TAFA5: variants seen among roughly 807,000 people sequenced by gnomAD.
TAFA5 encodes chemokine-like protein TAFA-5.
TAFA5 carries 6 observed loss-of-function variants against 15.3 expected under a neutral mutation model. That is an observed-to-expected ratio of 0.39 (90% CI 0.21 to 0.77). The LOEUF (loss-of-function observed/expected upper bound fraction) is 0.77, where lower values mean the gene tolerates loss of function less well. Ranked by LOEUF, TAFA5 falls within the 30% of genes least tolerant of loss-of-function variation. The probability of loss-of-function intolerance (pLI) is 0.41; values close to 1 mark genes in which losing one functional copy is unlikely to be tolerated. For synonymous variants in TAFA5, 103 were observed against 80.7 expected (o/e 1.28, Z -1.48); for missense variants, 161 against 193.1 (o/e 0.83, Z 0.98).
chr22:48,639,047 T>C (rs2147196466), intron 1 of TAFA5, among the ~76,000 whole-genome samples: 1 of 152,316 alleles, frequency 6.6e-6, no homozygotes, highest in South Asian at 2.1e-4. Context: ...GCTCTTCTTC[T>C]GGCCTCACTT....
intron 1 of TAFA5, among the ~76,000 whole-genome samples, chr22:48,637,549 G>A (rs1926494329): frequency 6.6e-6 from 1 of 152,204 alleles, no homozygotes; most frequent in Non-Finnish European, 1.5e-5. Flanking sequence ...GTTATCGGCA[G>A]CAAAGTGCCT....
Position 48,640,555 on chromosome 22 carries a change from A to AGGGCT in TAFA5, c.113-6030_113-6026dup, listed in dbSNP as rs201248109. ...GCCAGCTGGGTGGGCAGGGCAGGGC[A>AGGGCT]GGGCTGGGCTGGGCTGTGGGTGATG... On this transcript the variant is annotated intron_variant, in intron 1 of 3. Coordinates refer to ENST00000402357, the MANE Select transcript of TAFA5 (RefSeq NM_001082967.3). Among the ~76,000 whole-genome samples the AGGGCT allele has an allele frequency of 8.6e-3, 1,314 of 151,964 alleles. 11 individuals carry two copies. The highest frequency in any genetic ancestry group is 0.029 in the African/African-American group (1,212 of 41,412).
intron 2 of TAFA5, among the ~76,000 whole-genome samples, chr22:48,664,549 C>T (rs944732249): frequency 1.3e-5 from 2 of 152,190 alleles, no homozygotes; most frequent in African/African-American, 2.4e-5. Context: ...TTCATTGACA[C>T]ATCTATACAG....
chr22:48,676,532 G>A (rs1189240234), intron 2 of TAFA5, among the ~76,000 whole-genome samples: 1 of 152,228 alleles, frequency 6.6e-6, no homozygotes, highest in Non-Finnish European at 1.5e-5. Flanking sequence ...TGGTCGTTCA[G>A]GAGTCTACAC....
chr22:48,737,852 C>T (rs1930074718), intron 3 of TAFA5, among the ~76,000 whole-genome samples: 1 of 152,148 alleles, frequency 6.6e-6, no homozygotes, highest in African/African-American at 2.4e-5. Flanking sequence ...GGAGCTGCAG[C>T]CTCTGAGGTC....
chr22:48,617,011 G>C (rs957539297), intron 1 of TAFA5, among the ~76,000 whole-genome samples: 1 of 152,222 alleles, frequency 6.6e-6, no homozygotes. Context: ...GGCTGGGAGC[G>C]TGGATACCTG....
At chr22:48,507,995 C>T (rs566227247) in intron 1 of TAFA5, among the ~76,000 whole-genome samples, 27 of 152,238 alleles carry the variant, frequency 1.8e-4, no homozygotes, top group East Asian at 7.7e-4. Context: ...CCCCTAGAGC[C>T]GCCCGCATGC....
In TAFA5 at chr22:48,552,836, C is replaced by T. The variant is rs139361454; in HGVS notation, c.112+63132C>T. On this transcript the variant is annotated intron_variant, in intron 1 of 3. Transcript: ENST00000402357. The surrounding 1 kb of genome is among the most constrained non-coding windows in gnomAD (Gnocchi z 4.1). The stretch of plus-strand genomic sequence containing the variant: ...TATATGGGGCTTCCAGGGCTCACCC[C>T]GAGGGAGGAGGCCCAGAGCCAGCCC... Among the ~76,000 whole-genome samples, 3 of 152,222 alleles carry T rather than the reference C, an allele frequency of 2.0e-5. No individual in the cohort carries two copies. The highest frequency in any genetic ancestry group is 6.5e-5 in the Admixed American group (1 of 15,296).
chr22:48,536,093 C>G (rs1016956106), intron 1 of TAFA5, among the ~76,000 whole-genome samples: 1 of 152,240 alleles, frequency 6.6e-6, no homozygotes, highest in Admixed American at 6.5e-5. Context: ...AGCGAGTTCC[C>G]GCATGGGTTG....
chr22:48,749,964 C>A lies in TAFA5; in HGVS notation c.*117C>A. 9.8e-7 allele frequency: 1 copy of A among 1,025,136 alleles called. No homozygotes were observed. The highest frequency in any genetic ancestry group is 1.5e-6 in the Non-Finnish European group (1 of 683,218). The allele number at this position is 1,025,136 out of a possible 1,614,324, so 63.5% of individuals were successfully genotyped here. The stretch of plus-strand genomic sequence containing the variant: ...CCCGTTCTCTGCCGCCCGCCCACTC[C>A]GTTTCCCTGTGGTCCGTGAAGGACG... On this transcript the variant is annotated 3_prime_UTR_variant, in exon 4 of 4. Coordinates refer to ENST00000402357, the MANE Select transcript of TAFA5 (RefSeq NM_001082967.3).
chr22:48,595,652 A>T (rs1007935674), intron 1 of TAFA5, among the ~76,000 whole-genome samples: 3 of 152,234 alleles, frequency 2.0e-5, no homozygotes, highest in Non-Finnish European at 4.4e-5. Flanking sequence ...GCAGCGGGCA[A>T]CCTGCCCATC....
intron 1 of TAFA5, among the ~76,000 whole-genome samples, chr22:48,619,392 G>C (rs187592214): frequency 2.0e-5 from 3 of 152,218 alleles, no homozygotes; most frequent in African/African-American, 7.2e-5. Flanking sequence ...GTCTCACTCT[G>C]TCGCCCAGGC....
rs533091684 is a variant in TAFA5, at chr22:48,537,826, TG to T, written c.112+48125del. On this transcript the variant is annotated intron_variant, in intron 1 of 3. Coordinates refer to ENST00000402357, the MANE Select transcript of TAFA5 (RefSeq NM_001082967.3). ...GGAGTGAAGAGAGCAGGAGAGGCCT[TG>T]GGCAGACCCTGTACCCCTGGTTTCC... Among the ~76,000 whole-genome samples the T allele has an allele frequency of 4.4e-3, 672 of 152,320 alleles. 5 individuals carry two copies. The highest frequency in any genetic ancestry group is 0.015 in the African/African-American group (640 of 41,592).
intron 3 of TAFA5, among the ~76,000 whole-genome samples, chr22:48,727,450 G>C (rs1427786248): frequency 6.6e-6 from 1 of 152,120 alleles, no homozygotes; most frequent in Non-Finnish European, 1.5e-5. Flanking sequence ...TAACATAAAA[G>C]CTATCACAAA....
intron 1 of TAFA5, among the ~76,000 whole-genome samples, chr22:48,574,537 C>A (rs1923693430): frequency 6.6e-6 from 1 of 152,058 alleles, no homozygotes; most frequent in Non-Finnish European, 1.5e-5. Flanking sequence ...CAGGGCCAGG[C>A]CTCTTTCCCT....
intron 1 of TAFA5, among the ~76,000 whole-genome samples, chr22:48,577,893 A>T (rs1383770159): frequency 6.6e-6 from 1 of 151,950 alleles, no homozygotes; most frequent in East Asian, 1.9e-4. Context: ...TTGCTGACCC[A>T]CTTCAGGAGT....
At chr22:48,496,641 C>T (rs1018108082) in intron 1 of TAFA5, among the ~76,000 whole-genome samples, 2 of 152,316 alleles carry the variant, frequency 1.3e-5, no homozygotes, top group South Asian at 4.1e-4. Flanking sequence ...GAGCTGGGCA[C>T]AGAGGGGTCT....
chr22:48,650,107 T>C (rs1266674218), intron 2 of TAFA5, among the ~76,000 whole-genome samples: 1 of 152,240 alleles, frequency 6.6e-6, no homozygotes, highest in East Asian at 1.9e-4. Context: ...TTGCTCTGCG[T>C]GCATAATAAG....
chr22:48,653,105 G>A (rs922562952), intron 2 of TAFA5, among the ~76,000 whole-genome samples: 8 of 152,330 alleles, frequency 5.3e-5, no homozygotes, highest in Middle Eastern at 6.8e-3. Flanking sequence ...GCTGCCACCC[G>A]CGGCCTTTTT....
Sources: gnomAD v4.1 joint callset for allele counts (sites outside exome capture counted in the v4.1 genomes callset) on GRCh38, gnomAD v4.1.1 for gene constraint, Gnocchi (gnomAD v3.1) non-coding constraint, MANE v1.5 for transcripts, NCBI Gene and HGNC (gene_info 2026-07-23, HGNC 2026-07-21) for gene names.